The following PTPN14 variants were observed in gnomAD, a reference collection of about 807,000 sequenced individuals.
PTPN14 encodes the protein protein tyrosine phosphatase non-receptor type 14.
PTPN14 carries 53 observed loss-of-function variants against 126.8 expected under a neutral mutation model. The ratio of observed to expected loss-of-function variants is 0.42; its 90% confidence interval spans 0.34 to 0.53. The LOEUF (loss-of-function observed/expected upper bound fraction) is 0.53, where lower values mean the gene tolerates loss of function less well. PTPN14 is among the 20% of genes least tolerant of loss of function. The pLI, the probability that PTPN14 is intolerant of heterozygous loss-of-function variation, is 0.08. For missense variants in PTPN14, 1,257 were observed against 1,552.9 expected, an observed-to-expected ratio of 0.81 and a Z score of 3.20; for synonymous variants, 630 against 599.3, an observed-to-expected ratio of 1.05 and a Z score of -0.75.
chr1:214,435,554 A>G (rs981199145), intron 3 of PTPN14, among the ~76,000 whole-genome samples: 2 of 152,200 alleles, frequency 1.3e-5, no homozygotes, highest in Non-Finnish European at 2.9e-5. Flanking sequence ...CAAATTAACA[A>G]GGAAAAAACA....
At chr1:214,471,112 T>C (rs1327494080) in intron 1 of PTPN14, among the ~76,000 whole-genome samples, 1 of 151,544 alleles carries the variant, frequency 6.6e-6, no homozygotes, top group Non-Finnish European at 1.5e-5. Flanking sequence ...ACTTTCACCT[T>C]TCCGTGATGA....
intron 3 of PTPN14, among the ~76,000 whole-genome samples, chr1:214,448,875 G>C (rs1048621160): frequency 6.6e-6 from 1 of 152,092 alleles, no homozygotes; most frequent in Non-Finnish European, 1.5e-5. Flanking sequence ...AATAGTCAAA[G>C]TTCTTTGGCT....
intron 15 of PTPN14, among the ~76,000 whole-genome samples, chr1:214,373,601 ACACAC>A (rs1228845589): frequency 1.4e-5 from 2 of 140,158 alleles, no homozygotes; most frequent in African/African-American, 5.7e-5. Flanking sequence ...ACACACACAC[ACACAC>A]ACCTGGTCAT....
At chr1:214,516,594 G>A (rs1302696936) in intron 1 of PTPN14, among the ~76,000 whole-genome samples, 1 of 152,042 alleles carries the variant, frequency 6.6e-6, no homozygotes, top group Non-Finnish European at 1.5e-5. Context: ...AAATGTGGTT[G>A]GTAAAGTTTG....
At chr1:214,372,949 C>T in intron 15 of PTPN14, 110 bp from the exon 16 acceptor site, 1 of 1,446,840 alleles carries the variant, frequency 6.9e-7, no homozygotes, top group Non-Finnish European at 9.3e-7. Flanking sequence ...ATTTTTGGGG[C>T]CGAATGAATT....
In PTPN14 at chr1:214,352,093, A is replaced by G. The variant is rs1414674633; in HGVS notation, c.*5829T>C. 1 of 152,178 alleles carries G rather than the reference A, an allele frequency of 6.6e-6. No individual in the cohort carries two copies. Among genetic ancestry groups the G allele is most frequent in the Non-Finnish European group, 1.5e-5 (1 of 68,038 alleles). 9.4% of individuals were successfully genotyped at this position (152,178 alleles called of 1,614,324 possible). A position where few individuals can be genotyped will look rare whatever the true frequency, so the allele number is the denominator to read the frequency against. ...CTCCAGCCCTCCTGCCTTGTAACTC[A>G]ATGTCCTTGAATTTATTTTTAAAAT... is the stretch of plus-strand genomic sequence containing the variant. On this transcript the variant is annotated 3_prime_UTR_variant, in exon 19 of 19. Transcript: ENST00000366956.
At chr1:214,443,784 A>G (rs1660084732) in intron 3 of PTPN14, among the ~76,000 whole-genome samples, 1 of 152,234 alleles carries the variant, frequency 6.6e-6, no homozygotes, top group Non-Finnish European at 1.5e-5. Flanking sequence ...CTAACTGCAC[A>G]GGTCACAGAC....
chr1:214,416,655 C>G (rs1323388956), intron 3 of PTPN14, among the ~76,000 whole-genome samples: 1 of 152,136 alleles, frequency 6.6e-6, no homozygotes, highest in African/African-American at 2.4e-5. Flanking sequence ...CTCCTGGAAG[C>G]CATCCAAACT....
At chr1:214,519,878 T>C (rs916879260) in intron 1 of PTPN14, among the ~76,000 whole-genome samples, 1 of 151,450 alleles carries the variant, frequency 6.6e-6, no homozygotes, top group Non-Finnish European at 1.5e-5. Flanking sequence ...GAAAGTTCTG[T>C]CTCTACAAAA....
In PTPN14 at chr1:214,464,689, C is replaced by A. The variant is rs200399097; in HGVS notation, c.115G>T (p.Val39Leu). ...DSNVIECTLSVESTGQECLEA... is the reference protein window; with the variant it reads ...DSNVIECTLSLESTGQECLEA... ...AGGCATTCTTGCCCTGTGCTTTCCACCGACAGCGTGCACTCGATAACATTG... is the reference window on the plus strand; with the variant it reads ...AGGCATTCTTGCCCTGTGCTTTCCAACGACAGCGTGCACTCGATAACATTG... The change falls in exon 2 of 19, where the codon GTG (valine) becomes TTG (leucine). Residue 39 changes from valine to leucine, a missense_variant. Val to Leu is a conservative substitution (Grantham distance 32, BLOSUM62 1). Transcript: ENST00000366956. The A allele has an allele frequency of 3.8e-5, 61 of 1,614,290 alleles. No homozygotes were observed. The Admixed American group carries it at 9.8e-4, about 26-fold the overall frequency.
At chr1:214,413,862 T>G (rs1659364434) in intron 4 of PTPN14, among the ~76,000 whole-genome samples, 1 of 151,978 alleles carries the variant, frequency 6.6e-6, no homozygotes, top group African/African-American at 2.4e-5. Flanking sequence ...AGAGACAAGG[T>G]TTTACCATGT....
intron 1 of PTPN14, among the ~76,000 whole-genome samples, chr1:214,502,257 G>A (rs1037625730): frequency 6.6e-6 from 1 of 152,018 alleles, no homozygotes; most frequent in Non-Finnish European, 1.5e-5. Flanking sequence ...CCATCCTACT[G>A]ATGGCGGTAG....
Position 214,384,339 on chromosome 1 carries a change from A to G in PTPN14, c.1516T>C (p.Tyr506His). 1 of 1,614,136 alleles carries G rather than the reference A, an allele frequency of 6.2e-7. No homozygotes were observed. The highest frequency in any genetic ancestry group is 1.7e-5 in the Admixed American group (1 of 60,018). Residue 506 changes from tyrosine to histidine, a missense_variant, in exon 13 of 19, where the codon TAC becomes CAC. Tyr to His is a moderately conservative substitution (Grantham distance 83, BLOSUM62 2). Coordinates refer to ENST00000366956, the MANE Select transcript of PTPN14 (RefSeq NM_005401.5). The surrounding 1 kb of genome is among the most constrained non-coding windows in gnomAD (Gnocchi z 5.3). ...YTVPYGPQGV[Y>H]SNKLVSPSDQ... ...GATGGACTGACAAGTTTGTTGCTGT[A>G]GACCCCCTGTGGCCCATAAGGGACA...
At chr1:214,407,244 G>C (rs560155774) in intron 5 of PTPN14, among the ~76,000 whole-genome samples, 9 of 152,342 alleles carry the variant, frequency 5.9e-5, no homozygotes, top group African/African-American at 2.2e-4. Context: ...AAGAATGGAG[G>C]CTGGACACAG....
intron 3 of PTPN14, among the ~76,000 whole-genome samples, chr1:214,432,686 T>C (rs1355489415): frequency 6.6e-6 from 1 of 152,168 alleles, no homozygotes; most frequent in African/African-American, 2.4e-5. Context: ...TGTTGATCAA[T>C]GAAGTAAGAC....
At chr1:214,430,305 T>C (rs761132765) in intron 3 of PTPN14, among the ~76,000 whole-genome samples, 13 of 152,194 alleles carry the variant, frequency 8.5e-5, no homozygotes, top group Non-Finnish European at 1.5e-4. Context: ...GCTGTTTTCC[T>C]GCCTAACAAT....
chr1:214,510,240 AACT>A (rs763025259), intron 1 of PTPN14, among the ~76,000 whole-genome samples: 1 of 152,194 alleles, frequency 6.6e-6, no homozygotes, highest in Non-Finnish European at 1.5e-5. Flanking sequence ...ACCCCAAAAC[AACT>A]ACAACATTAA....
chr1:214,469,833 T>C (rs1445969082), intron 1 of PTPN14, among the ~76,000 whole-genome samples: 2 of 114,694 alleles, frequency 1.7e-5, no homozygotes, highest in African/African-American at 6.7e-5. Context: ...AAGGCGGGGG[T>C]ATGTGGGAAA....
Position 214,386,872 on chromosome 1 carries a change from C to T in PTPN14, c.1038G>A (p.Glu346=). Residue 346 remains glutamate (E), a synonymous_variant, in exon 12 of 19, where the codon GAG becomes GAA. Transcript: ENST00000366956. ...ILPPVHVQCG[E]HYSETHTSQD... ...GCGAGGTGTGCGTTTCCGAGTAGTG[C>T]TCACCACACTGGACGTGAACGGGAG... The T allele has an allele frequency of 2.5e-6, 4 of 1,608,666 alleles. No individual in the cohort carries two copies. Among genetic ancestry groups the T allele is most frequent in the Non-Finnish European group, 3.4e-6 (4 of 1,175,324 alleles).
Sources: gnomAD v4.1 joint callset for allele counts (sites outside exome capture counted in the v4.1 genomes callset) on GRCh38, gnomAD v4.1.1 for gene constraint, Gnocchi (gnomAD v3.1) non-coding constraint, MANE v1.5 for transcripts, NCBI Gene and HGNC (gene_info 2026-07-23, HGNC 2026-07-21) for gene names.